Variants in ASTN2 observed in about 807,000 individuals in gnomAD.
ASTN2 encodes the protein astrotactin-2.
A neutral mutation model predicts 139.8 loss-of-function variants in ASTN2; 54 were observed. The ratio of observed to expected loss-of-function variants is 0.39; its 90% CI spans 0.31 to 0.48. The LOEUF (loss-of-function observed/expected upper bound fraction) is 0.48, where lower values mean the gene tolerates loss of function less well. Among genes scored for constraint, ASTN2 ranks in the 20% least tolerant of loss-of-function variants. The pLI, the probability that ASTN2 is intolerant of heterozygous loss-of-function variation, is 0.95. For synonymous variants in ASTN2, 756 were observed against 719.5 expected, an observed-to-expected ratio of 1.05 and a Z score of -0.81; for missense variants, 1,565 against 1,725.1, an observed-to-expected ratio of 0.91 and a Z score of 1.64.
At chr9:117,328,792 C>T (rs1828604032) in intron 1 of ASTN2, among the ~76,000 whole-genome samples, 1 of 152,146 alleles carries the variant, frequency 6.6e-6, no homozygotes, top group Admixed American at 6.5e-5. Flanking sequence ...AGCCAGAGTG[C>T]CACAGAGTAA....
At chr9:117,394,195 C>T (rs1168747449) in intron 1 of ASTN2, among the ~76,000 whole-genome samples, 1 of 152,092 alleles carries the variant, frequency 6.6e-6, no homozygotes, top group Non-Finnish European at 1.5e-5. Context: ...CAACAGGAGA[C>T]AGAAAAGGCA....
chr9:117,016,610 CTATATCTATCTATCTATATATA>C (rs1454955196), intron 6 of ASTN2, among the ~76,000 whole-genome samples: 1,369 of 22,396 alleles, frequency 0.061, 176 homozygotes, highest in African/African-American at 0.19. Context: ...ATATCTATAT[CTATATCTATCTATCTATATATA>C]TATATATATA....
intron 3 of ASTN2, among the ~76,000 whole-genome samples, chr9:117,189,034 C>G (rs556726323): frequency 1.4e-3 from 208 of 152,230 alleles, no homozygotes; most frequent in African/African-American, 4.9e-3. Flanking sequence ...CCACCTGGGA[C>G]AGTGGGTAGA....
chr9:116,865,148 C>T (rs979586228), intron 10 of ASTN2, among the ~76,000 whole-genome samples: 2 of 151,912 alleles, frequency 1.3e-5, no homozygotes, highest in African/African-American at 2.4e-5. Context: ...AGGTTTATTG[C>T]CAAGCCCTCT....
intron 1 of ASTN2, among the ~76,000 whole-genome samples, chr9:117,348,425 A>G (rs1829289733): frequency 6.6e-6 from 1 of 152,212 alleles, no homozygotes; most frequent in South Asian, 2.1e-4. Flanking sequence ...CATGTCTCTG[A>G]AAATGTGTCC....
chr9:117,365,339 G>T (rs145486679), intron 1 of ASTN2, among the ~76,000 whole-genome samples: 7 of 147,160 alleles, frequency 4.8e-5, no homozygotes, highest in Non-Finnish European at 1.0e-4. Flanking sequence ...GAAAGAAAGA[G>T]AGAAAAGAAA....
intron 19 of ASTN2, among the ~76,000 whole-genome samples, chr9:116,538,322 G>GAGGA (rs1851733517): frequency 6.6e-6 from 1 of 151,964 alleles, no homozygotes; most frequent in Admixed American, 6.6e-5. Flanking sequence ...GAAAGGGAGG[G>GAGGA]AGGAAGCAAG....
chr9:117,071,270 G>T (rs1038180471), intron 5 of ASTN2, among the ~76,000 whole-genome samples: 3 of 144,300 alleles, frequency 2.1e-5, no homozygotes, highest in South Asian at 2.2e-4. Context: ...ATACCCTGCC[G>T]TGTGAGGTGT....
At chr9:117,118,436 A>G (rs1461249797) in intron 4 of ASTN2, among the ~76,000 whole-genome samples, 1 of 151,904 alleles carries the variant, frequency 6.6e-6, no homozygotes, top group Non-Finnish European at 1.5e-5. Flanking sequence ...AGGTTTGATC[A>G]TTTCTCATCA....
Position 116,424,627 on chromosome 9 carries a change from G to C in ASTN2, c.*1224C>G, listed in dbSNP as rs931164992. Among the ~76,000 whole-genome samples the C allele has an allele frequency of 2.0e-5, 3 of 150,530 alleles. No homozygotes were observed. Among genetic ancestry groups the C allele is most frequent in the Admixed American group, 1.3e-4 (2 of 15,144 alleles). On this transcript the variant is annotated 3_prime_UTR_variant, in exon 23 of 23. Coordinates refer to ENST00000313400, the MANE Select transcript of ASTN2 (RefSeq NM_001365068.1). ...TTTTTTTAAGTTGTCACCTAGGCTG[G>C]AGTCCAGTGGCTCCATGTCAGTTCA... is the stretch of plus-strand genomic sequence containing the variant.
At chr9:116,753,816 T>G (rs933215157) in intron 13 of ASTN2, among the ~76,000 whole-genome samples, 2 of 149,852 alleles carry the variant, frequency 1.3e-5, no homozygotes, top group Non-Finnish European at 2.9e-5. Flanking sequence ...ATACTTTAAG[T>G]TCTGGGGTAT....
At chr9:117,135,684 G>T (rs1406451528) in intron 4 of ASTN2, among the ~76,000 whole-genome samples, 4 of 152,200 alleles carry the variant, frequency 2.6e-5, no homozygotes, top group Non-Finnish European at 4.4e-5. Context: ...GGGGCTATGA[G>T]TGCTCAGAGA....
At chr9:117,094,024 G>A (rs1048658134) in intron 5 of ASTN2, among the ~76,000 whole-genome samples, 8 of 151,634 alleles carry the variant, frequency 5.3e-5, no homozygotes, top group African/African-American at 1.9e-4. Flanking sequence ...TGTTTGGTTT[G>A]TGTCCCCACT....
rs1230632351 is a variant in ASTN2 at position 116,785,513 on chromosome 9, T to C, written c.2396+20119A>G. Among the ~76,000 whole-genome samples the C allele has an allele frequency of 2.0e-5, 3 of 152,328 alleles. No individual in the cohort carries two copies. The East Asian group carries it at 5.8e-4, about 29-fold the overall frequency. On this transcript the variant is annotated intron_variant, in intron 13 of 22. Transcript: ENST00000313400. The stretch of plus-strand genomic sequence containing the variant: ...ACTATGGTCTACTTGTATAAATGAT[T>C]GCAATGTTTCACAATCAAGTTCATC...
chr9:116,475,517 C>T (rs1247506386), intron 20 of ASTN2, among the ~76,000 whole-genome samples: 2 of 152,226 alleles, frequency 1.3e-5, no homozygotes, highest in Non-Finnish European at 2.9e-5. Context: ...CCTTGTACCA[C>T]TGTCCTGCTC....
intron 1 of ASTN2, among the ~76,000 whole-genome samples, chr9:117,327,516 C>T (rs1828556165): frequency 1.3e-5 from 2 of 152,052 alleles, no homozygotes; most frequent in Admixed American, 6.6e-5. Flanking sequence ...AGAGTTGAGA[C>T]CACATCTGAG....
intron 13 of ASTN2, among the ~76,000 whole-genome samples, chr9:116,796,455 AG>A (rs1197842551): frequency 2.0e-5 from 3 of 152,190 alleles, no homozygotes; most frequent in Non-Finnish European, 4.4e-5. Flanking sequence ...TCCTGGCCAT[AG>A]GAGTTGAGTA....
intron 4 of ASTN2, among the ~76,000 whole-genome samples, chr9:117,128,518 G>C (rs904617352): frequency 1.4e-4 from 22 of 151,836 alleles, no homozygotes; most frequent in Non-Finnish European, 1.9e-4. Context: ...CATGACACCA[G>C]AGCCATAATT....
At chr9:117,282,123 TCTC>T (rs757761896) in intron 2 of ASTN2, among the ~76,000 whole-genome samples, 2 of 152,254 alleles carry the variant, frequency 1.3e-5, no homozygotes, top group East Asian at 3.9e-4. Context: ...TCTTGCCAAT[TCTC>T]CTTTATTTTT....
Sources: allele counts gnomAD v4.1 joint callset (sites outside exome capture counted in the v4.1 genomes callset), GRCh38; gene constraint gnomAD v4.1.1; transcripts MANE v1.5; gene names NCBI Gene and HGNC (gene_info 2026-07-23, HGNC 2026-07-21).